TRPM3: variants seen among roughly 807,000 people sequenced by gnomAD.
TRPM3 encodes transient receptor potential cation channel subfamily M member 3.
In TRPM3, 77 loss-of-function variants were observed where a neutral mutation model predicts 181.2. The ratio of observed to expected loss-of-function variants is 0.42; its 90% CI spans 0.35 to 0.51. The LOEUF (loss-of-function observed/expected upper bound fraction) is 0.51, where lower values mean the gene tolerates loss of function less well. TRPM3 is among the 20% of genes least tolerant of loss of function. The pLI is 0.01. For missense variants in TRPM3, 1,759 were observed against 2,196.7 expected (o/e 0.80, Z 3.98); for synonymous variants, 745 against 796.4 (o/e 0.94, Z 1.09).
At chr9:71,424,867 A>G (rs998467958) in intron 1 of TRPM3, among the ~76,000 whole-genome samples, 3 of 152,164 alleles carry the variant, frequency 2.0e-5, no homozygotes, top group African/African-American at 7.2e-5. Flanking sequence ...CACTGTCTCC[A>G]TGACCTCACT....
chr9:71,120,586 A>C (rs955085719), intron 1 of TRPM3, among the ~76,000 whole-genome samples: 3 of 152,298 alleles, frequency 2.0e-5, no homozygotes, highest in African/African-American at 7.2e-5. Context: ...CCCACTACTG[A>C]TTCCACTCAG....
intron 19 of TRPM3, among the ~76,000 whole-genome samples, chr9:70,606,988 G>C (rs1453431010): frequency 6.6e-6 from 1 of 152,038 alleles, no homozygotes; most frequent in African/African-American, 2.4e-5. Context: ...CACTACTAGA[G>C]AAACTCAGAG....
In TRPM3 at chr9:70,848,840, G is replaced by A. The variant is rs1231667452; in HGVS notation, c.463-2249C>T. On this transcript the variant is annotated intron_variant, in intron 3 of 25. Transcript: ENST00000677713. ...AAAATACAAAAAATTAGCCGGGCGTGGTAGCGGGCGCCTGTAGTCCCAGCT... is the reference window on the plus strand; with the variant it reads ...AAAATACAAAAAATTAGCCGGGCGTAGTAGCGGGCGCCTGTAGTCCCAGCT... 4.6e-5 allele frequency among the ~76,000 whole-genome samples: 4 copies of A among 87,084 alleles called. 2 individuals are homozygous for A. The highest frequency in any genetic ancestry group is 2.3e-4 in the Admixed American group (2 of 8,638). 57.1% of individuals were successfully genotyped at this position (87,084 alleles called of 152,430 possible).
intron 1 of TRPM3, among the ~76,000 whole-genome samples, chr9:71,348,887 G>A (rs1038030768): frequency 6.6e-6 from 1 of 152,058 alleles, no homozygotes; most frequent in Admixed American, 6.6e-5. Flanking sequence ...GATTATTTAT[G>A]ACAGAATGAG....
At chr9:70,864,378 G>GT in intron 2 of TRPM3, 54 bp downstream of exon 2, 1 of 1,274,640 alleles carries the variant, frequency 7.8e-7, no homozygotes, top group South Asian at 1.8e-5. Flanking sequence ...ACTCTTGCAG[G>GT]TTTTTTGTAT....
chr9:70,936,705 C>T (rs2096831804), intron 1 of TRPM3, among the ~76,000 whole-genome samples: 1 of 152,190 alleles, frequency 6.6e-6, no homozygotes, highest in Non-Finnish European at 1.5e-5. Flanking sequence ...GAGTTCTCTT[C>T]ACCCAGTAAA....
chr9:70,900,452 A>G (rs1415941019), intron 1 of TRPM3, among the ~76,000 whole-genome samples: 1 of 152,228 alleles, frequency 6.6e-6, no homozygotes, highest in Non-Finnish European at 1.5e-5. Context: ...CAAACAAGGA[A>G]TAACAGAAGA....
intron 1 of TRPM3, among the ~76,000 whole-genome samples, chr9:70,872,533 A>G (rs2095805573): frequency 6.6e-6 from 1 of 151,942 alleles, no homozygotes; most frequent in Non-Finnish European, 1.5e-5. Flanking sequence ...CATCCTATCT[A>G]AAAGCACACC....
intron 1 of TRPM3, among the ~76,000 whole-genome samples, chr9:70,973,982 T>A (rs1241470383): frequency 6.6e-6 from 1 of 152,194 alleles, no homozygotes; most frequent in Admixed American, 6.5e-5. Flanking sequence ...TGCCTGCACA[T>A]AGTTAATTGT....
chr9:71,042,492 G>T (rs2132983204), intron 1 of TRPM3, among the ~76,000 whole-genome samples: 1 of 152,128 alleles, frequency 6.6e-6, no homozygotes, highest in Admixed American at 6.5e-5. Flanking sequence ...AGCACATAGT[G>T]GGTGTTCGAT....
chr9:71,023,067 G>A (rs1357181729), intron 1 of TRPM3, among the ~76,000 whole-genome samples: 2 of 151,690 alleles, frequency 1.3e-5, no homozygotes, highest in East Asian at 3.9e-4. Flanking sequence ...AAGCAGACTT[G>A]GTAAAAATAT....
At chr9:70,655,257 G>A (rs1418709494) in intron 9 of TRPM3, among the ~76,000 whole-genome samples, 1 of 120,258 alleles carries the variant, frequency 8.3e-6, no homozygotes, top group Non-Finnish European at 1.6e-5. Context: ...AGTGAGCTGA[G>A]ATCATGCCCC....
chr9:71,029,133 T>C (rs551736316), intron 1 of TRPM3, among the ~76,000 whole-genome samples: 17 of 152,190 alleles, frequency 1.1e-4, no homozygotes, highest in Non-Finnish European at 2.2e-4. Flanking sequence ...ATTAAGGCAG[T>C]AACCAAGAAG....
rs115351709 is a variant in TRPM3 at position 71,113,903 on chromosome 9, T to C, written c.177+7275A>G. 6.5e-3 allele frequency among the ~76,000 whole-genome samples: 995 copies of C among 152,304 alleles called. 15 individuals are homozygous for C. Among genetic ancestry groups the C allele is most frequent in the African/African-American group, 0.023 (953 of 41,568 alleles). On this transcript the variant is annotated intron_variant, in intron 1 of 25. Coordinates refer to ENST00000677713, the MANE Select transcript of TRPM3 (RefSeq NM_001366145.2). ...AGTGTGTAACATTCATCTGGGTTGT[T>C]TGTGAAATCCAAGTTTGCAAGGTCC... is the stretch of plus-strand genomic sequence containing the variant.
At chr9:71,375,845 G>A (rs947312766) in intron 1 of TRPM3, among the ~76,000 whole-genome samples, 11 of 151,912 alleles carry the variant, frequency 7.2e-5, no homozygotes, top group African/African-American at 2.7e-4. Context: ...GCAATAAAGT[G>A]TTTTTAAATT....
chr9:71,031,513 C>T (rs2057299492), intron 1 of TRPM3, among the ~76,000 whole-genome samples: 1 of 152,006 alleles, frequency 6.6e-6, no homozygotes, highest in Non-Finnish European at 1.5e-5. Context: ...TGCAGTGATA[C>T]CTAAGAAAGC....
chr9:71,008,842 C>T (rs1193444922), intron 1 of TRPM3, among the ~76,000 whole-genome samples: 2 of 152,188 alleles, frequency 1.3e-5, no homozygotes, highest in African/African-American at 4.8e-5. Flanking sequence ...GAGACTCCAT[C>T]TCAAAAAACA....
chr9:71,385,474 AC>A (rs1323598061), intron 1 of TRPM3, among the ~76,000 whole-genome samples: 3 of 152,128 alleles, frequency 2.0e-5, no homozygotes, highest in Non-Finnish European at 1.5e-5. Flanking sequence ...CCATACAAAG[AC>A]CCAGATTTCT....
intron 1 of TRPM3, among the ~76,000 whole-genome samples, chr9:71,037,977 T>C (rs1192182731): frequency 6.6e-6 from 1 of 152,240 alleles, no homozygotes; most frequent in Non-Finnish European, 1.5e-5. Context: ...ACTTTTATTT[T>C]CTTCTTCAGT....
Sources: gnomAD v4.1 joint callset for allele counts (sites outside exome capture counted in the v4.1 genomes callset) on GRCh38, gnomAD v4.1.1 for gene constraint, MANE v1.5 for transcripts, NCBI Gene and HGNC (gene_info 2026-07-23, HGNC 2026-07-21) for gene names.